COPA: variants seen among roughly 807,000 people sequenced by gnomAD.
The protein encoded by COPA is coat protein complex I subunit alpha, also known as coatomer subunit alpha.
In COPA, 10 loss-of-function variants were observed where a neutral mutation model predicts 158.7. That is an observed-to-expected ratio of 0.06 (90% confidence interval 0.04 to 0.11). The LOEUF (loss-of-function observed/expected upper bound fraction) is 0.11. COPA is among the 10% of genes least tolerant of loss of function. COPA has a pLI of 1.00. For missense variants in COPA, 1,065 were observed against 1,536.7 expected (o/e 0.69, Z 5.13); for synonymous variants, 462 against 542.8 (o/e 0.85, Z 2.07).
chr1:160,333,880 A>G (rs1240889811), intron 4 of COPA, among the ~76,000 whole-genome samples: 1 of 152,192 alleles, frequency 6.6e-6, no homozygotes, highest in Admixed American at 6.5e-5. Flanking sequence ...ACTTTCACCT[A>G]TAAGACTTAA....
At chr1:160,340,442 C>T (rs138379973) in intron 1 of COPA, 148 bp from the exon 2 acceptor site, 37 of 605,042 alleles carry the variant, frequency 6.1e-5, no homozygotes, top group African/African-American at 4.3e-4. Flanking sequence ...TGCCAGACAT[C>T]GTGAATTTTA....
intron 9 of COPA, 128 bp from the exon 10 acceptor site, chr1:160,313,295 C>G: frequency 1.3e-6 from 1 of 745,310 alleles, no homozygotes. Context: ...AACTGCATAT[C>G]CTAAGTAACA....
In COPA at chr1:160,292,522, G is replaced by C. The variant is rs1658274862; in HGVS notation, c.2922C>G (p.Pro974=). Residue 974 remains proline (P), a synonymous_variant, in exon 28 of 33, where the codon CCC becomes CCG. Transcript: ENST00000241704. ...GATAGCCATACATGGAGGGTAGGCA[G>C]GGCAGAGCCTGATAGGTTGTGCGGC... ...ARGRTTYQAL[P]CLPSMYGYPN... 6.2e-7 allele frequency: 1 copy of C among 1,613,800 alleles called. No individual in the cohort carries two copies. The highest frequency in any genetic ancestry group is 1.3e-5 in the African/African-American group (1 of 74,896).
chr1:160,334,665 A>C (rs1450792726), intron 4 of COPA, among the ~76,000 whole-genome samples: 1 of 152,238 alleles, frequency 6.6e-6, no homozygotes, highest in Non-Finnish European at 1.5e-5. Context: ...ATGCTAATAC[A>C]CAGAACTATA....
chr1:160,310,809 A>C (rs1430376999), intron 11 of COPA, among the ~76,000 whole-genome samples: 1 of 152,154 alleles, frequency 6.6e-6, no homozygotes, highest in Non-Finnish European at 1.5e-5. Flanking sequence ...CTTCAGAATT[A>C]AGAGTTTCCA....
At chr1:160,318,713 G>C (rs1659240089) in intron 8 of COPA, among the ~76,000 whole-genome samples, 1 of 152,006 alleles carries the variant, frequency 6.6e-6, no homozygotes, top group Non-Finnish European at 1.5e-5. Context: ...GGCAGGAACA[G>C]AAATGGAGTT....
chr1:160,303,308 T>C (rs1658675353), intron 17 of COPA, among the ~76,000 whole-genome samples: 1 of 152,204 alleles, frequency 6.6e-6, no homozygotes, highest in Non-Finnish European at 1.5e-5. Context: ...GGAAAAGTTG[T>C]ACCAGATGTG....
intron 10 of COPA, among the ~76,000 whole-genome samples, chr1:160,312,806 C>T (rs772469840): frequency 9.2e-5 from 14 of 152,322 alleles, no homozygotes; most frequent in African/African-American, 1.7e-4. Context: ...TACCCTTTCA[C>T]TTTTCTGAAC....
intron 11 of COPA, among the ~76,000 whole-genome samples, chr1:160,311,041 T>A (rs1280981033): frequency 6.6e-6 from 1 of 152,192 alleles, no homozygotes; most frequent in Non-Finnish European, 1.5e-5. Flanking sequence ...ATCATTCTAC[T>A]CATGACCACT....
chr1:160,336,713 T>C (rs945109126), intron 3 of COPA, among the ~76,000 whole-genome samples: 1 of 152,180 alleles, frequency 6.6e-6, no homozygotes, highest in Admixed American at 6.5e-5. Flanking sequence ...TCTTATTTAA[T>C]TTTTTTAAAT....
intron 8 of COPA, among the ~76,000 whole-genome samples, chr1:160,316,095 C>G (rs1030056706): frequency 2.2e-4 from 34 of 152,210 alleles, no homozygotes; most frequent in Admixed American, 5.9e-4. Context: ...CATGGTGGCT[C>G]ACACCTATAA....
At chr1:160,293,105 C>T in intron 27 of COPA, 61 bp downstream of exon 27, 1 of 1,514,734 alleles carries the variant, frequency 6.6e-7, no homozygotes, top group African/African-American at 1.4e-5. Context: ...TAAAATGAGT[C>T]AACCATCTCC....
Position 160,294,630 on chromosome 1 carries a change from A to C in COPA, c.2567-37T>G, listed in dbSNP as rs761543999. The C allele has an allele frequency of 1.4e-5, 22 of 1,610,306 alleles. No individual in the cohort carries two copies. In the Middle Eastern group the frequency reaches 4.9e-4, roughly 36 times the overall value. ...ATTCAAGCTCAAAACAGATTTGGGCAGTGGCATAATCTTAGCCAAAGGAAG... is the reference window on the plus strand; with the variant it reads ...ATTCAAGCTCAAAACAGATTTGGGCCGTGGCATAATCTTAGCCAAAGGAAG... On this transcript the variant is annotated intron_variant, in intron 24 of 32. Coordinates refer to ENST00000241704, the MANE Select transcript of COPA (RefSeq NM_004371.4).
chr1:160,306,639 AC>A, intron 14 of COPA, 146 bp from the exon 15 acceptor site: 1 of 932,348 alleles, frequency 1.1e-6, no homozygotes, highest in Non-Finnish European at 1.6e-6. Context: ...CTGCAGACAG[AC>A]CATGCCAACC....
chr1:160,337,062 G>A (rs1647801924), intron 3 of COPA, among the ~76,000 whole-genome samples: 2 of 152,186 alleles, frequency 1.3e-5, no homozygotes, highest in South Asian at 4.1e-4. Flanking sequence ...CATGTACACA[G>A]TAGAGTTTCA....
chr1:160,292,898 A>G (rs553030552), intron 27 of COPA, among the ~76,000 whole-genome samples: 1 of 152,258 alleles, frequency 6.6e-6, no homozygotes, highest in South Asian at 2.1e-4. Context: ...TCTGCTTGGA[A>G]AGGGGTACTT....
At chr1:160,300,597 T>C (rs909614301) in intron 17 of COPA, among the ~76,000 whole-genome samples, 3 of 152,030 alleles carry the variant, frequency 2.0e-5, no homozygotes, top group Non-Finnish European at 2.9e-5. Context: ...TGCAAACTCA[T>C]TGAGGGAACA....
At chr1:160,298,444 C>T (rs577602347) in intron 19 of COPA, among the ~76,000 whole-genome samples, 61 of 152,290 alleles carry the variant, frequency 4.0e-4, no homozygotes, top group Non-Finnish European at 6.6e-4. Context: ...AACTGGAAAA[C>T]GTTTTCATAA....
intron 30 of COPA, 115 bp downstream of exon 30, chr1:160,291,704 G>C: frequency 8.4e-7 from 1 of 1,188,210 alleles, no homozygotes; most frequent in Non-Finnish European, 1.2e-6. Context: ...GAAATGAAGG[G>C]CCTAAATTTC....
Sources: gnomAD v4.1 joint callset for allele counts (sites outside exome capture counted in the v4.1 genomes callset) on GRCh38, gnomAD v4.1.1 for gene constraint, MANE v1.5 for transcripts, NCBI Gene and HGNC (gene_info 2026-07-23, HGNC 2026-07-21) for gene names.